The following BORCS5 variants were observed in gnomAD, a reference collection of about 807,000 sequenced individuals.
The protein encoded by BORCS5 is BLOC-1-related complex subunit 5.
A neutral mutation model predicts 22.1 loss-of-function variants in BORCS5; 17 were observed. That is an observed-to-expected ratio of 0.77 (90% CI 0.53 to 1.15). The LOEUF (loss-of-function observed/expected upper bound fraction) is 1.15. Ranked by LOEUF, BORCS5 falls within the 50% of genes most tolerant of loss-of-function variation. The probability of loss-of-function intolerance (pLI) is 0.00; values close to 1 mark genes in which losing one functional copy is unlikely to be tolerated. For synonymous variants in BORCS5, 117 were observed against 99.8 expected, an observed-to-expected ratio of 1.17 and a Z score of -1.03; for missense variants, 247 against 253.2, an observed-to-expected ratio of 0.98 and a Z score of 0.17.
chr12:12,448,811 G>A (rs2136143244), intron 3 of BORCS5, among the ~76,000 whole-genome samples: 1 of 152,334 alleles, frequency 6.6e-6, no homozygotes, highest in Non-Finnish European at 1.5e-5. Flanking sequence ...ACAGGCGTGA[G>A]CCACTGTGCC....
At chr12:12,372,564 A>G (rs2136030913) in intron 2 of BORCS5, among the ~76,000 whole-genome samples, 1 of 152,150 alleles carries the variant, frequency 6.6e-6, no homozygotes, top group African/African-American at 2.4e-5. Flanking sequence ...GCATATACAT[A>G]TGGTTAAGTT....
rs1349692027 is a variant in BORCS5, at chr12:12,466,656, C to T, written c.*880C>T. 2.6e-5 allele frequency: 4 copies of T among 152,160 alleles called. No individual in the cohort carries two copies. Among genetic ancestry groups the T allele is most frequent in the East Asian group, 1.9e-4 (1 of 5,200 alleles). 9.4% of individuals were successfully genotyped at this position (152,160 alleles called of 1,614,324 possible). ...GAGTAACAACAAAAGTGCTTAGTGT[C>T]GTACTTTACACATCATAGGTGTTCT... On this transcript the variant is annotated 3_prime_UTR_variant, in exon 4 of 4. Coordinates refer to ENST00000314565, the MANE Select transcript of BORCS5 (RefSeq NM_058169.6).
chr12:12,429,359 G>A (rs924974750), intron 2 of BORCS5, among the ~76,000 whole-genome samples: 5 of 152,166 alleles, frequency 3.3e-5, no homozygotes. Context: ...ATTTGCCTGG[G>A]TTGCCACAAC....
At chr12:12,370,320 G>A (rs74951130) in intron 2 of BORCS5, among the ~76,000 whole-genome samples, 2,946 of 152,094 alleles carry the variant, frequency 0.019, 120 homozygotes, top group East Asian at 0.16. Context: ...GTACAGGTCA[G>A]CTGGAAAAAA....
chr12:12,378,098 A>T (rs772410418), intron 2 of BORCS5, among the ~76,000 whole-genome samples: 10 of 152,308 alleles, frequency 6.6e-5, no homozygotes, highest in Middle Eastern at 3.4e-3. Flanking sequence ...TAGGCCGGGC[A>T]CGGTGGCTCA....
chr12:12,418,509 AC>A (rs1942031673), intron 2 of BORCS5, among the ~76,000 whole-genome samples: 1 of 151,790 alleles, frequency 6.6e-6, no homozygotes, highest in African/African-American at 2.4e-5. Context: ...ACATAGTTAG[AC>A]CCCCATCTCT....
chr12:12,453,787 T>A (rs1016842857), intron 3 of BORCS5, among the ~76,000 whole-genome samples: 1 of 152,230 alleles, frequency 6.6e-6, no homozygotes, highest in Non-Finnish European at 1.5e-5. Context: ...TTCCAGAACA[T>A]TTTCATCTGC....
intron 2 of BORCS5, among the ~76,000 whole-genome samples, chr12:12,389,361 C>T (rs1382855098): frequency 6.6e-6 from 1 of 150,860 alleles, no homozygotes; most frequent in African/African-American, 2.4e-5. Flanking sequence ...TGGTCTCGAA[C>T]TCTTGACCTT....
chr12:12,375,738 GGATA>G (rs1329244165), intron 2 of BORCS5, among the ~76,000 whole-genome samples: 54 of 152,298 alleles, frequency 3.5e-4, no homozygotes, highest in Admixed American at 7.8e-4. Context: ...GAATGCACTT[GGATA>G]GATAATCATT....
Position 12,368,198 on chromosome 12 carries a change from A to G in BORCS5, c.202+6849A>G, listed in dbSNP as rs74062518. The stretch of plus-strand genomic sequence containing the variant: ...TCCACATCCTCCTCTTCTTTTCCGT[A>G]TTTAACATAGGTTTCTATCCCACTT... On this transcript the variant is annotated intron_variant, in intron 2 of 3. Coordinates refer to ENST00000314565, the MANE Select transcript of BORCS5 (RefSeq NM_058169.6). Among the ~76,000 whole-genome samples the G allele has an allele frequency of 7.1e-3, 1,071 of 150,568 alleles. 11 individuals are homozygous for G. Among genetic ancestry groups the G allele is most frequent in the Middle Eastern group, 0.029 (8 of 280 alleles).
chr12:12,450,876 G>A (rs1002590472), intron 3 of BORCS5, among the ~76,000 whole-genome samples: 4 of 151,840 alleles, frequency 2.6e-5, no homozygotes, highest in Non-Finnish European at 4.4e-5. Context: ...GCACAGTACA[G>A]TATCTGACAG....
intron 2 of BORCS5, among the ~76,000 whole-genome samples, chr12:12,423,268 C>G (rs11559836): frequency 0.22 from 33,167 of 151,894 alleles, 4,707 homozygotes; most frequent in Admixed American, 0.3. Flanking sequence ...TCCCAAAGTG[C>G]TGGGATTACA....
chr12:12,389,426 C>T (rs1228142301), intron 2 of BORCS5, among the ~76,000 whole-genome samples: 5 of 150,926 alleles, frequency 3.3e-5, no homozygotes, highest in Non-Finnish European at 7.4e-5. Context: ...GTGTGAGCCA[C>T]CACTCCCAGC....
chr12:12,357,600 G>C, intron 1 of BORCS5, 91 bp downstream of exon 1: 2 of 1,384,576 alleles, frequency 1.4e-6, no homozygotes, highest in South Asian at 1.4e-5. Flanking sequence ...GACTGCGGAC[G>C]GGAACGCACA....
chr12:12,431,692 G>A (rs906723609), intron 2 of BORCS5, among the ~76,000 whole-genome samples: 7 of 151,536 alleles, frequency 4.6e-5, no homozygotes, highest in Non-Finnish European at 7.4e-5. Flanking sequence ...GAGCCACTGC[G>A]CCTGGCCCTT....
chr12:12,390,851 C>T (rs140862013), intron 2 of BORCS5, among the ~76,000 whole-genome samples: 3 of 152,112 alleles, frequency 2.0e-5, no homozygotes, highest in East Asian at 1.9e-4. Context: ...AGATGATCCA[C>T]CTTCCTTGGC....
chr12:12,390,118 C>T (rs1258600390), intron 2 of BORCS5, among the ~76,000 whole-genome samples: 2 of 152,070 alleles, frequency 1.3e-5, no homozygotes, highest in African/African-American at 2.4e-5. Flanking sequence ...TTTAATGATT[C>T]CTTTTTAGAT....
chr12:12,408,552 TC>T (rs1378342712), intron 2 of BORCS5, among the ~76,000 whole-genome samples: 2 of 152,216 alleles, frequency 1.3e-5, no homozygotes, highest in Non-Finnish European at 2.9e-5. Context: ...AACAGCAACT[TC>T]CTATCCTCTC....
chr12:12,401,637 A>AT (rs1379161026), intron 2 of BORCS5, among the ~76,000 whole-genome samples: 4 of 152,130 alleles, frequency 2.6e-5, no homozygotes, highest in African/African-American at 9.7e-5. Flanking sequence ...AACTTGCTAT[A>AT]TTTTTCCTTC....
Sources: allele counts gnomAD v4.1 joint callset (sites outside exome capture counted in the v4.1 genomes callset), GRCh38; gene constraint gnomAD v4.1.1; transcripts MANE v1.5; gene names NCBI Gene and HGNC (gene_info 2026-07-23, HGNC 2026-07-21).